Variants in HMCN1 observed in about 807,000 individuals in gnomAD.
HMCN1 encodes hemicentin-1.
HMCN1 carries 321 observed loss-of-function variants against 625.9 expected under a neutral mutation model. The observed-to-expected ratio is 0.51, with a 90% CI of 0.47 to 0.56. HMCN1 has a LOEUF of 0.56. Ranked by LOEUF, HMCN1 falls within the 20% of genes least tolerant of loss-of-function variation. The probability of loss-of-function intolerance (pLI) is 0.00; values close to 1 mark genes in which losing one functional copy is unlikely to be tolerated. For missense variants in HMCN1, 6,588 were observed against 6,887.3 expected (o/e 0.96, Z 1.54); for synonymous variants, 2,425 against 2,417.6 (o/e 1.00, Z -0.09).
At chr1:186,015,094 A>G in intron 30 of HMCN1, 65 bp from the exon 31 acceptor site, 1 of 1,386,520 alleles carries the variant, frequency 7.2e-7, no homozygotes, top group Non-Finnish European at 1.0e-6. Flanking sequence ...CATCTATAGC[A>G]TTTAAGATTT....
intron 97 of HMCN1, among the ~76,000 whole-genome samples, chr1:186,156,048 G>C (rs1364793738): frequency 1.3e-5 from 2 of 152,094 alleles, no homozygotes; most frequent in Non-Finnish European, 2.9e-5. Context: ...CTTTTGGAAA[G>C]TACTGGTCGA....
chr1:186,006,989 G>A (rs1653678047), intron 29 of HMCN1, 139 bp from the exon 30 acceptor site: 1 of 652,170 alleles, frequency 1.5e-6, no homozygotes, highest in Non-Finnish European at 2.7e-6. Flanking sequence ...TTTATTCTTG[G>A]AGTGCTAATC....
intron 30 of HMCN1, among the ~76,000 whole-genome samples, chr1:186,011,749 C>A (rs187863480): frequency 6.6e-6 from 1 of 152,242 alleles, no homozygotes; most frequent in Admixed American, 6.5e-5. Flanking sequence ...CTTGACATTA[C>A]TTGTGACTAA....
Position 186,152,737 on chromosome 1 carries a change from T to TCC in HMCN1, c.14897-13_14897-12insCC. The TCC allele has an allele frequency of 6.2e-7, 1 of 1,613,650 alleles. No homozygotes were observed. The highest frequency in any genetic ancestry group is 8.5e-7 in the Non-Finnish European group (1 of 1,179,596). Reference sequence around the variant, plus strand: ...TTTTTTTGCTGTCAAAATGAATGTCTTGTAATTCCCAGGAGAAATCTTGCA... The same window carrying TCC: ...TTTTTTTGCTGTCAAAATGAATGTCTCCTGTAATTCCCAGGAGAAATCTTGCA... On this transcript the variant is annotated splice_polypyrimidine_tract_variant and intron_variant, in intron 95 of 106. Transcript: ENST00000271588.
intron 44 of HMCN1, among the ~76,000 whole-genome samples, chr1:186,054,883 A>G (rs1657211244): frequency 6.6e-6 from 1 of 151,868 alleles, no homozygotes; most frequent in African/African-American, 2.4e-5. Flanking sequence ...ATTTTCCCCA[A>G]AATCCCCAGC....
chr1:185,817,643 C>A (rs911506451), intron 1 of HMCN1, among the ~76,000 whole-genome samples: 1 of 152,138 alleles, frequency 6.6e-6, no homozygotes, highest in Non-Finnish European at 1.5e-5. Context: ...TAGCTTATTA[C>A]ATAGTTTCAA....
At chr1:185,979,262 C>T (rs894875885) in intron 16 of HMCN1, among the ~76,000 whole-genome samples, 2 of 152,022 alleles carry the variant, frequency 1.3e-5, no homozygotes, top group African/African-American at 4.8e-5. Context: ...TAGAGAGCCC[C>T]ATTCCAAGTT....
intron 4 of HMCN1, among the ~76,000 whole-genome samples, chr1:185,892,984 C>G (rs541033197): frequency 0.063 from 9,538 of 152,040 alleles, 1,051 homozygotes; most frequent in African/African-American, 0.22. Flanking sequence ...TAGGACCCTC[C>G]AAGCCAGGTG....
intron 89 of HMCN1, among the ~76,000 whole-genome samples, chr1:186,143,366 C>T (rs547952307): frequency 2.6e-5 from 4 of 152,224 alleles, no homozygotes; most frequent in African/African-American, 9.6e-5. Context: ...TAGCAAGTTC[C>T]CTGAAAACAA....
intron 4 of HMCN1, among the ~76,000 whole-genome samples, chr1:185,889,692 T>G (rs1250133199): frequency 3.6e-4 from 49 of 137,472 alleles, no homozygotes; most frequent in East Asian, 1.7e-3. Flanking sequence ...CTTTTTGATG[T>G]GCTGCTGGAT....
chr1:185,891,489 C>G (rs1665080432), intron 4 of HMCN1, among the ~76,000 whole-genome samples: 1 of 147,930 alleles, frequency 6.8e-6, no homozygotes, highest in Non-Finnish European at 1.5e-5. Flanking sequence ...TTCAGGAGCT[C>G]TTTTAGGGCA....
At chr1:185,798,438 G>GT (rs1658555465) in intron 1 of HMCN1, among the ~76,000 whole-genome samples, 1 of 152,122 alleles carries the variant, frequency 6.6e-6, no homozygotes, top group African/African-American at 2.4e-5. Context: ...GACTTGGGAA[G>GT]TTTTCCTCAA....
chr1:186,017,213 T>G, intron 33 of HMCN1, 142 bp downstream of exon 33: 1 of 670,724 alleles, frequency 1.5e-6, no homozygotes, highest in Non-Finnish European at 2.8e-6. Context: ...AGACATGCTC[T>G]ATATACAAGG....
chr1:186,152,751 A>G lies in HMCN1; in HGVS notation c.14898A>G (p.Gly4966=), dbSNP rs1465447345. Residue 4966 remains glycine (G), a splice_region_variant and synonymous_variant, in exon 96 of 107, where the codon GGA becomes GGG. Transcript: ENST00000271588. ...AAATGAATGTCTTGTAATTCCCAGG[A>G]GAAATCTTGCAGATGAGTCATATTG... ...KRETQVEFAT[G]EILQMSHIAR... 1.9e-6 allele frequency: 3 copies of G among 1,613,888 alleles called. No homozygotes were observed. The South Asian group carries it at 3.3e-5, about 18-fold the overall frequency.
At chr1:185,922,209 T>C (rs559643756) in intron 6 of HMCN1, among the ~76,000 whole-genome samples, 170 bp from the exon 7 acceptor site, 79 of 152,254 alleles carry the variant, frequency 5.2e-4, no homozygotes, top group African/African-American at 1.9e-3. Flanking sequence ...ATTACGAAAC[T>C]TGCATTTAAA....
At chr1:185,820,520 G>A (rs1021686465) in intron 1 of HMCN1, among the ~76,000 whole-genome samples, 7 of 152,118 alleles carry the variant, frequency 4.6e-5, no homozygotes, top group African/African-American at 1.4e-4. Flanking sequence ...AGAAGTAAGT[G>A]AAAGACATGG....
chr1:186,113,847 T>TA lies in HMCN1; in HGVS notation c.11132-131dup. The TA allele has an allele frequency of 3.0e-6, 3 of 1,012,480 alleles. No individual in the cohort carries two copies. In the Admixed American group the frequency reaches 5.3e-5, roughly 18 times the overall value. The allele number at this position is 1,012,480 out of a possible 1,614,324, so 62.7% of individuals were successfully genotyped here. On this transcript the variant is annotated intron_variant, in intron 72 of 106. Transcript: ENST00000271588. ...AGGAATTAAACCTCAATTCTACTTATACTAACCTAGATTCTTGTAGACAAA... is the reference window on the plus strand; with the variant it reads ...AGGAATTAAACCTCAATTCTACTTATAACTAACCTAGATTCTTGTAGACAAA...
chr1:186,078,088 A>G lies in HMCN1; in HGVS notation c.8486-19A>G. 1.3e-6 allele frequency: 2 copies of G among 1,565,790 alleles called. No individual in the cohort carries two copies. Among genetic ancestry groups the G allele is most frequent in the Non-Finnish European group, 1.8e-6 (2 of 1,136,972 alleles). ...ACTCTAAGATTAGAGGAGTAAACAT[A>G]GTGGGATATTATTTTCAGGAGGGCG... On this transcript the variant is annotated intron_variant, in intron 54 of 106. Transcript: ENST00000271588.
chr1:186,153,909 C>T lies in HMCN1; in HGVS notation c.15178C>T (p.His5060Tyr). ...GRMPFLVETL[H>Y]ASSVESDYNQ... ...AATGCCTTTCTTGGTTGAAACACTTCATGCATCCTCTGTGGAATCTGACTA... is the reference window on the plus strand; with the variant it reads ...AATGCCTTTCTTGGTTGAAACACTTTATGCATCCTCTGTGGAATCTGACTA... The change falls in exon 97 of 107, where the codon CAT becomes TAT. Residue 5060 changes from histidine to tyrosine, a missense_variant. Transcript: ENST00000271588. 6.2e-7 allele frequency: 1 copy of T among 1,614,164 alleles called. No individual in the cohort carries two copies. Among genetic ancestry groups the T allele is most frequent in the South Asian group, 1.1e-5 (1 of 91,086 alleles).
Sources: allele counts gnomAD v4.1 joint callset (sites outside exome capture counted in the v4.1 genomes callset), GRCh38; gene constraint gnomAD v4.1.1; transcripts MANE v1.5; gene names NCBI Gene and HGNC (gene_info 2026-07-23, HGNC 2026-07-21).